The following ACER1 variants were observed in gnomAD, a reference collection of about 807,000 sequenced individuals.
The protein encoded by ACER1 is CTB-180A7.3.
Under a neutral mutation model 24.9 loss-of-function variants are expected in ACER1, and 28 were observed. The ratio of observed to expected loss-of-function variants is 1.13; its 90% CI spans 0.83 to 1.54. The LOEUF (loss-of-function observed/expected upper bound fraction) is 1.54, where lower values mean the gene tolerates loss of function less well. Ranked by LOEUF, ACER1 falls within the 40% of genes most tolerant of loss-of-function variation. ACER1 has a pLI of 0.00. For synonymous variants in ACER1, 132 were observed against 131.4 expected (o/e 1.00, Z -0.03); for missense variants, 352 against 349.3 (o/e 1.01, Z -0.06).
chr19:6,315,240 G>A (rs1387815059), intron 1 of ACER1, among the ~76,000 whole-genome samples: 1 of 151,488 alleles, frequency 6.6e-6, no homozygotes, highest in South Asian at 2.1e-4. Flanking sequence ...GTCTCTCTCT[G>A]TTGCCGAGGC....
intron 1 of ACER1, among the ~76,000 whole-genome samples, chr19:6,326,449 G>T (rs1178335941): frequency 6.6e-6 from 1 of 151,520 alleles, no homozygotes; most frequent in Non-Finnish European, 1.5e-5. Context: ...ATCTTTTGTA[G>T]TGATGGGGTC....
intron 4 of ACER1, 139 bp from the exon 5 acceptor site, chr19:6,307,429 G>A (rs185571387): frequency 1.1e-5 from 10 of 939,488 alleles, no homozygotes; most frequent in African/African-American, 1.8e-5. Flanking sequence ...TGCAAGCAGA[G>A]GGGGCCCAAT....
chr19:6,317,761 T>G (rs2091610822), intron 1 of ACER1, among the ~76,000 whole-genome samples: 1 of 152,132 alleles, frequency 6.6e-6, no homozygotes, highest in Non-Finnish European at 1.5e-5. Flanking sequence ...TTTTTGTGTT[T>G]TTTTTCTTTT....
intron 1 of ACER1, among the ~76,000 whole-genome samples, chr19:6,328,975 C>T (rs2091674908): frequency 6.6e-6 from 1 of 151,662 alleles, no homozygotes; most frequent in Non-Finnish European, 1.5e-5. Context: ...GTGCCCAGCA[C>T]CCATCTGTAT....
Position 6,314,866 on chromosome 19 carries a change from A to G in ACER1, c.94-2367T>C, listed in dbSNP as rs184796519. 9.8e-3 allele frequency among the ~76,000 whole-genome samples: 1,451 copies of G among 147,852 alleles called. 26 individuals are homozygous for G. Among genetic ancestry groups the G allele is most frequent in the African/African-American group, 0.036 (1,394 of 38,524 alleles). On this transcript the variant is annotated intron_variant, in intron 1 of 5. Coordinates refer to ENST00000301452, the MANE Select transcript of ACER1 (RefSeq NM_133492.3). The stretch of plus-strand genomic sequence containing the variant: ...AAAGAAGATGTGGTATATATACACA[A>G]TGGAATTTTATTTATTTATTTATTT...
In ACER1 at chr19:6,323,413, C is replaced by T. The variant is rs141958248; in HGVS notation, c.93+10046G>A. Among the ~76,000 whole-genome samples, 148 of 145,894 alleles carry T rather than the reference C, an allele frequency of 1.0e-3. 2 individuals are homozygous for T. Among genetic ancestry groups the T allele is most frequent in the Non-Finnish European group, 1.5e-3 (100 of 67,230 alleles). ...TCCAGCCTGGGTGACAGCGAGACTC[C>T]GTCTCAAAAAAAAAAAAGAAAAAAA... On this transcript the variant is annotated intron_variant, in intron 1 of 5. Coordinates refer to ENST00000301452, the MANE Select transcript of ACER1 (RefSeq NM_133492.3).
At chr19:6,310,280 G>T (rs1353758477) in intron 3 of ACER1, among the ~76,000 whole-genome samples, 1 of 150,594 alleles carries the variant, frequency 6.6e-6, no homozygotes, top group Non-Finnish European at 1.5e-5. Context: ...CTAGAGACGG[G>T]GTTTCACCAT....
chr19:6,318,659 G>A (rs1267026597), intron 1 of ACER1, among the ~76,000 whole-genome samples: 13 of 145,944 alleles, frequency 8.9e-5, no homozygotes, highest in Admixed American at 1.4e-4. Flanking sequence ...GGTGGCAGGC[G>A]CCTGTAGTCC....
upstream of ACER1, among the ~76,000 whole-genome samples, chr19:6,337,615 G>A (rs1449541702): frequency 7.0e-6 from 1 of 142,676 alleles, no homozygotes; most frequent in Non-Finnish European, 1.5e-5. Flanking sequence ...CACCCTGCCT[G>A]GCCAAAGTTT....
In ACER1 at chr19:6,306,780, C is replaced by T. The variant is rs1471760752; in HGVS notation, c.729G>A (p.Trp243Ter). ...MPGETLKVRYWPRDSWPVGLP... is the reference protein window; with the variant it reads ...MPGETLKVRY ...GCCCCACGGGCCAACTGTCCCGAGG[C>T]CAGTAGCGGACTTTGAGGGTTTCAC... Residue 243 changes from tryptophan to a stop codon, truncating the protein, a stop_gained, in exon 6 of 6, where the codon TGG becomes TGA. Coordinates refer to ENST00000301452, the MANE Select transcript of ACER1 (RefSeq NM_133492.3). LOFTEE classifies it high-confidence loss of function. 6.2e-6 allele frequency: 10 copies of T among 1,614,060 alleles called. No individual in the cohort carries two copies. The highest frequency in any genetic ancestry group is 8.5e-6 in the Non-Finnish European group (10 of 1,180,020).
chr19:6,317,845 C>T (rs1481312331), intron 1 of ACER1, among the ~76,000 whole-genome samples: 1 of 152,032 alleles, frequency 6.6e-6, no homozygotes, highest in Non-Finnish European at 1.5e-5. Context: ...ACCTCCACCG[C>T]CCGGGTTCAA....
At chr19:6,335,474 C>G (rs2091710139), upstream of ACER1, among the ~76,000 whole-genome samples, 1 of 151,968 alleles carries the variant, frequency 6.6e-6, no homozygotes, top group Non-Finnish European at 1.5e-5. Context: ...CTGCCCGTCT[C>G]GACTTCCCAA....
chr19:6,347,218 C>CTTT, the ACER1 span, among the ~76,000 whole-genome samples: 5 of 132,184 alleles, frequency 3.8e-5, no homozygotes, highest in African/African-American at 1.3e-4. Context: ...CTTTTCTTTT[C>CTTT]TTTTTCTTTT....
At chr19:6,356,121 G>T in the ACER1 span, among the ~76,000 whole-genome samples, 1 of 151,316 alleles carries the variant, frequency 6.6e-6, no homozygotes, top group Non-Finnish European at 1.5e-5. Flanking sequence ...ATTTTGTTCT[G>T]TACTAAGAAA....
At chr19:6,327,392 C>T (rs557669298) in intron 1 of ACER1, among the ~76,000 whole-genome samples, 4 of 151,936 alleles carry the variant, frequency 2.6e-5, no homozygotes, top group East Asian at 3.9e-4. Flanking sequence ...GGTGAAACCC[C>T]GTCTCTACTA....
chr19:6,321,175 G>A (rs965550319), intron 1 of ACER1, among the ~76,000 whole-genome samples: 3 of 149,860 alleles, frequency 2.0e-5, no homozygotes, highest in Admixed American at 6.7e-5. Flanking sequence ...TCACTCTGTC[G>A]CCCAGGCTGG....
At chr19:6,327,439 T>C (rs2091666855) in intron 1 of ACER1, among the ~76,000 whole-genome samples, 1 of 151,660 alleles carries the variant, frequency 6.6e-6, no homozygotes, top group Non-Finnish European at 1.5e-5. Context: ...GTGACGGGCG[T>C]CTGTAGTCCC....
At chr19:6,320,227 C>G (rs547649306) in intron 1 of ACER1, among the ~76,000 whole-genome samples, 1 of 152,270 alleles carries the variant, frequency 6.6e-6, no homozygotes, top group African/African-American at 2.4e-5. Flanking sequence ...GCCTCTGTCT[C>G]CAGTTGAGGA....
intron 4 of ACER1, among the ~76,000 whole-genome samples, chr19:6,308,081 T>TTAAA (rs59870931): frequency 0.041 from 6,157 of 150,878 alleles, 407 homozygotes; most frequent in African/African-American, 0.14. Context: ...AGACTCCATC[T>TTAAA]TAAATAAATA....
Sources: gnomAD v4.1 joint callset for allele counts (sites outside exome capture counted in the v4.1 genomes callset) on GRCh38, gnomAD v4.1.1 for gene constraint, MANE v1.5 for transcripts, NCBI Gene and HGNC (gene_info 2026-07-23, HGNC 2026-07-21) for gene names.